The following PTPRD variants were observed in gnomAD, a reference collection of about 807,000 sequenced individuals.
PTPRD encodes protein tyrosine phosphatase receptor type D.
A neutral mutation model predicts 214.5 loss-of-function variants in PTPRD; 34 were observed. The ratio of observed to expected loss-of-function variants is 0.16; its 90% CI spans 0.12 to 0.21. The LOEUF is 0.21. PTPRD is among the 10% of genes least tolerant of loss of function. The pLI is 1.00. For synonymous variants in PTPRD, 1,128 were observed against 845.7 expected (o/e 1.33, Z -5.79); for missense variants, 2,545 against 2,398.7 (o/e 1.06, Z -1.27).
chr9:9,983,355 T>A (rs1317858192), intron 4 of PTPRD, among the ~76,000 whole-genome samples: 3 of 152,142 alleles, frequency 2.0e-5, no homozygotes, highest in African/African-American at 7.2e-5. Flanking sequence ...TTCCAAAGAA[T>A]CTCTAAACTA....
At chr9:10,259,524 C>T (rs190510762) in intron 3 of PTPRD, among the ~76,000 whole-genome samples, 133 of 152,196 alleles carry the variant, frequency 8.7e-4, no homozygotes, top group African/African-American at 3.1e-3. Flanking sequence ...TGCTGTTTTA[C>T]ACCTTTAGGA....
intron 9 of PTPRD, among the ~76,000 whole-genome samples, chr9:9,328,945 T>A (rs2041229049): frequency 6.6e-6 from 1 of 152,020 alleles, no homozygotes; most frequent in South Asian, 2.1e-4. Context: ...GCATTTTTGA[T>A]CACCTTGGTT....
intron 3 of PTPRD, among the ~76,000 whole-genome samples, chr9:10,145,853 C>T (rs2099018726): frequency 6.6e-6 from 1 of 151,696 alleles, no homozygotes; most frequent in South Asian, 2.1e-4. Flanking sequence ...GACATAATGG[C>T]AAAATGAAAA....
At chr9:9,250,496 A>C (rs1237664154) in intron 9 of PTPRD, among the ~76,000 whole-genome samples, 1 of 152,100 alleles carries the variant, frequency 6.6e-6, no homozygotes, top group Non-Finnish European at 1.5e-5. Context: ...TTAGCTCTTT[A>C]GATTTTAACA....
At chr9:10,169,967 C>G (rs2099190435) in intron 3 of PTPRD, among the ~76,000 whole-genome samples, 1 of 152,122 alleles carries the variant, frequency 6.6e-6, no homozygotes, top group South Asian at 2.1e-4. Context: ...TAAATACACT[C>G]AAATGATTAA....
At chr9:8,944,329 G>T (rs1166613312) in intron 11 of PTPRD, among the ~76,000 whole-genome samples, 1 of 151,988 alleles carries the variant, frequency 6.6e-6, no homozygotes, top group Non-Finnish European at 1.5e-5. Flanking sequence ...TACTCACTAG[G>T]GACAACAGTA....
intron 26 of PTPRD, among the ~76,000 whole-genome samples, chr9:8,495,191 C>A (rs1231659419): frequency 6.6e-6 from 1 of 152,158 alleles, no homozygotes; most frequent in Non-Finnish European, 1.5e-5. Context: ...AGTGTTACTT[C>A]AAGTTCAAAT....
intron 4 of PTPRD, among the ~76,000 whole-genome samples, chr9:9,960,413 G>A (rs1311645430): frequency 6.6e-6 from 1 of 152,076 alleles, no homozygotes; most frequent in Non-Finnish European, 1.5e-5. Context: ...TTCCACTCCT[G>A]CGCTGTGGCC....
chr9:8,786,341 G>C (rs1415376551), intron 11 of PTPRD, among the ~76,000 whole-genome samples: 1 of 151,098 alleles, frequency 6.6e-6, no homozygotes, highest in Non-Finnish European at 1.5e-5. Flanking sequence ...ATTTTTGCAG[G>C]TATTAGGCAC....
rs149776065 is a variant in PTPRD at position 9,815,161 on chromosome 9, A to G, written c.-367-48310T>C. 3.0e-3 allele frequency among the ~76,000 whole-genome samples: 460 copies of G among 152,302 alleles called. 4 individuals are homozygous for G. The highest frequency in any genetic ancestry group is 0.01 in the African/African-American group (434 of 41,584). ...ATGATATTGGCATAAAAACAGACAC[A>G]TAGACTAATGGATCAGAATAGAGAG... On this transcript the variant is annotated intron_variant, in intron 5 of 45. Transcript: ENST00000381196.
At chr9:10,547,047 T>A (rs2060316077) in intron 2 of PTPRD, among the ~76,000 whole-genome samples, 1 of 152,080 alleles carries the variant, frequency 6.6e-6, no homozygotes, top group Non-Finnish European at 1.5e-5. Context: ...TCCAATATAA[T>A]AGTCCTACAG....
In PTPRD at chr9:8,314,630, A is replaced by C. The variant is rs1052797081; in HGVS notation, c.*3244T>G. 1 of 232,056 alleles carries C rather than the reference A, an allele frequency of 4.3e-6. No homozygotes were observed. The highest frequency in any genetic ancestry group is 8.5e-6 in the Non-Finnish European group (1 of 117,224). The allele number at this position is 232,056 out of a possible 1,614,324, so 14.4% of individuals were successfully genotyped here. ...ACCCATAAACCCAAAAGGAACCAAAACCCAAAAAGAAAAACAAAAAGGGAA... is the reference window on the plus strand; with the variant it reads ...ACCCATAAACCCAAAAGGAACCAAACCCCAAAAAGAAAAACAAAAAGGGAA... On this transcript the variant is annotated 3_prime_UTR_variant, in exon 46 of 46. Transcript: ENST00000381196.
At chr9:10,550,779 T>G (rs1255280919) in intron 2 of PTPRD, among the ~76,000 whole-genome samples, 1 of 152,196 alleles carries the variant, frequency 6.6e-6, no homozygotes, top group East Asian at 1.9e-4. Flanking sequence ...CAGCTTCAGC[T>G]CTTCTGAAAT....
chr9:10,358,802 C>T (rs1375324114), intron 2 of PTPRD, among the ~76,000 whole-genome samples: 3 of 151,826 alleles, frequency 2.0e-5, no homozygotes, highest in Non-Finnish European at 4.4e-5. Context: ...TAAAATAAGT[C>T]CACTAAAATC....
chr9:8,326,901 A>AC (rs201863841), intron 44 of PTPRD, among the ~76,000 whole-genome samples: 12,131 of 143,006 alleles, frequency 0.085, 2 homozygotes, highest in African/African-American at 0.11. Flanking sequence ...ATCAGTGGTG[A>AC]TTTCCCCTTT....
At chr9:10,318,112 A>T (rs148749911) in intron 3 of PTPRD, among the ~76,000 whole-genome samples, 563 of 152,158 alleles carry the variant, frequency 3.7e-3, no homozygotes, top group Non-Finnish European at 6.2e-3. Flanking sequence ...GACAGAATAG[A>T]TATCTACTTA....
Position 8,998,809 on chromosome 9 carries a change from A to G in PTPRD, c.-104+19888T>C, listed in dbSNP as rs1275225855. Reference sequence around the variant, plus strand: ...TTTGGGATTCATGGGTTAAGGCCAAAATATCAACATTAATAGTTTGAAAGT... The same window carrying G: ...TTTGGGATTCATGGGTTAAGGCCAAGATATCAACATTAATAGTTTGAAAGT... On this transcript the variant is annotated intron_variant, in intron 11 of 45. Transcript: ENST00000381196. Among the ~76,000 whole-genome samples, 6 of 134,070 alleles carry G rather than the reference A, an allele frequency of 4.5e-5. 1 individual carries two copies. The highest frequency in any genetic ancestry group is 9.7e-5 in the Non-Finnish European group (6 of 61,564). 88.0% of individuals were successfully genotyped at this position (134,070 alleles called of 152,430 possible).
chr9:9,758,964 T>C (rs911273573), intron 6 of PTPRD, among the ~76,000 whole-genome samples: 13 of 152,160 alleles, frequency 8.5e-5, no homozygotes, highest in African/African-American at 2.7e-4. Flanking sequence ...GTAGCAAGTA[T>C]GTTACCCAGC....
chr9:10,407,910 G>C (rs1408628076), intron 2 of PTPRD, among the ~76,000 whole-genome samples: 1 of 151,446 alleles, frequency 6.6e-6, no homozygotes, highest in East Asian at 2.0e-4. Context: ...TCAACTCATA[G>C]TAAGACTTTT....
Sources: gnomAD v4.1 joint callset for allele counts (sites outside exome capture counted in the v4.1 genomes callset) on GRCh38, gnomAD v4.1.1 for gene constraint, MANE v1.5 for transcripts, NCBI Gene and HGNC (gene_info 2026-07-23, HGNC 2026-07-21) for gene names.